The following FBXL4 variants were observed in gnomAD, a reference collection of about 807,000 sequenced individuals.
The protein encoded by FBXL4 is F-box/LRR-repeat protein 4.
Under a neutral mutation model 58.9 loss-of-function variants are expected in FBXL4, and 40 were observed. The observed-to-expected ratio is 0.68, with a 90% CI of 0.53 to 0.88. The LOEUF is 0.88. FBXL4 is among the 40% of genes least tolerant of loss of function. The probability of loss-of-function intolerance (pLI) is 0.00; values close to 1 mark genes in which losing one functional copy is unlikely to be tolerated. For missense variants in FBXL4, 676 were observed against 734.4 expected, an observed-to-expected ratio of 0.92 and a Z score of 0.92; for synonymous variants, 263 against 265.5, an observed-to-expected ratio of 0.99 and a Z score of 0.09.
At chr6:98,898,418 C>T in intron 7 of FBXL4, 2 of 985,184 alleles carry the variant, frequency 2.0e-6, no homozygotes, top group Non-Finnish European at 2.4e-6. Context: ...CATGCACAGG[C>T]TCATGGTGAA....
At chr6:98,883,802 T>C (rs769320175) in intron 7 of FBXL4, among the ~76,000 whole-genome samples, 1 of 151,532 alleles carries the variant, frequency 6.6e-6, no homozygotes, top group Non-Finnish European at 1.5e-5. Context: ...TTATACTTCA[T>C]AAGTCTTTAA....
At chr6:98,913,431 C>A (rs754411742) in intron 5 of FBXL4, among the ~76,000 whole-genome samples, 1 of 152,120 alleles carries the variant, frequency 6.6e-6, no homozygotes, top group African/African-American at 2.4e-5. Context: ...TGGAAGTAAA[C>A]CACTCCACAG....
At chr6:98,942,429 T>G (rs1773466543) in intron 1 of FBXL4, among the ~76,000 whole-genome samples, 1 of 152,040 alleles carries the variant, frequency 6.6e-6, no homozygotes, top group Admixed American at 6.6e-5. Context: ...GCCTGGAAGG[T>G]GATTGGATCA....
intron 4 of FBXL4, among the ~76,000 whole-genome samples, chr6:98,923,511 C>T (rs1020075784): frequency 6.6e-5 from 10 of 152,182 alleles, no homozygotes; most frequent in South Asian, 2.1e-4. Flanking sequence ...CATGATCTCA[C>T]GTTCAAATGT....
Position 98,872,193 on chromosome 6 carries a change from T to C in FBXL4, c.*2085A>G, listed in dbSNP as rs1770508888. The stretch of plus-strand genomic sequence containing the variant: ...TTGGAGTTTGCAAATGTAAAGGAAA[T>C]TTCCATTTTTCAAAATCAATTTAAC... On this transcript the variant is annotated 3_prime_UTR_variant, in exon 10 of 10. Transcript: ENST00000369244. 6.6e-6 allele frequency: 1 copy of C among 152,176 alleles called. No individual in the cohort carries two copies. The highest frequency in any genetic ancestry group is 2.4e-5 in the African/African-American group (1 of 41,450). 9.4% of individuals were successfully genotyped at this position (152,176 alleles called of 1,614,324 possible). A position where few individuals can be genotyped will look rare whatever the true frequency, so the allele number is the denominator to read the frequency against.
At chr6:98,911,075 G>A (rs1223836350) in intron 5 of FBXL4, among the ~76,000 whole-genome samples, 2 of 152,128 alleles carry the variant, frequency 1.3e-5, no homozygotes, top group Non-Finnish European at 2.9e-5. Context: ...CTCGCTGATT[G>A]CTAGGACAGC....
intron 8 of FBXL4, among the ~76,000 whole-genome samples, chr6:98,876,674 A>G (rs749114993): frequency 6.6e-6 from 1 of 152,204 alleles, no homozygotes; most frequent in Non-Finnish European, 1.5e-5. Flanking sequence ...GTGGGAAAAT[A>G]ATAAAACAGA....
At chr6:98,898,812 C>T (rs1771499209) in intron 7 of FBXL4, 2 of 985,152 alleles carry the variant, frequency 2.0e-6, no homozygotes, top group Admixed American at 6.2e-5. Context: ...AGCAAGTAGA[C>T]TAATATATAT....
rs1770428043 is a variant in FBXL4 at position 98,869,133 on chromosome 6, A to C, written c.*5145T>G. 1 of 152,244 alleles carries C rather than the reference A, an allele frequency of 6.6e-6. No homozygotes were observed. The highest frequency in any genetic ancestry group is 6.5e-5 in the Admixed American group (1 of 15,288). 9.4% of individuals were successfully genotyped at this position (152,244 alleles called of 1,614,324 possible). A position where few individuals can be genotyped will look rare whatever the true frequency, so the allele number is the denominator to read the frequency against. On this transcript the variant is annotated 3_prime_UTR_variant, in exon 10 of 10. Coordinates refer to ENST00000369244, the MANE Select transcript of FBXL4 (RefSeq NM_001278716.2). ...GTTGTCAAAAAAAGCAAATGAGGTG[A>C]TGATTGGCAGTTAATGGTCATTGAC... is the stretch of plus-strand genomic sequence containing the variant.
At chr6:98,902,555 G>T (rs1474607) in intron 6 of FBXL4, among the ~76,000 whole-genome samples, 2,940 of 152,060 alleles carry the variant, frequency 0.019, 157 homozygotes, top group East Asian at 0.18. Flanking sequence ...TAAAGTTCTC[G>T]AATCTAGAAC....
chr6:98,897,065 G>T (rs1429926398), intron 7 of FBXL4: 1 of 983,012 alleles, frequency 1.0e-6, no homozygotes, highest in East Asian at 1.1e-4. Context: ...ATATTTTTTT[G>T]GTTTTTACCC....
intron 1 of FBXL4, among the ~76,000 whole-genome samples, chr6:98,942,160 T>G (rs1773457111): frequency 6.6e-6 from 1 of 151,548 alleles, no homozygotes; most frequent in Admixed American, 6.6e-5. Flanking sequence ...ATACTTCCCA[T>G]AACTCTTCCT....
chr6:98,925,706 A>C (rs1299064188), intron 4 of FBXL4, among the ~76,000 whole-genome samples: 1 of 152,250 alleles, frequency 6.6e-6, no homozygotes, highest in Admixed American at 6.5e-5. Flanking sequence ...CTACTGTGTG[A>C]AACAAGGTAC....
chr6:98,942,924 A>G (rs1026400906), intron 1 of FBXL4, among the ~76,000 whole-genome samples: 2 of 152,168 alleles, frequency 1.3e-5, no homozygotes, highest in Non-Finnish European at 2.9e-5. Context: ...TGACTAGATT[A>G]AATTGTCCTA....
At chr6:98,874,556 C>G (rs974641431) in intron 9 of FBXL4, 115 bp from the exon 10 acceptor site, 2 of 1,117,302 alleles carry the variant, frequency 1.8e-6, no homozygotes, top group East Asian at 2.9e-5. Context: ...TTAAAATAAC[C>G]CTTTACAAAT....
chr6:98,901,611 C>A (rs1771614893), intron 6 of FBXL4, among the ~76,000 whole-genome samples: 1 of 152,062 alleles, frequency 6.6e-6, no homozygotes, highest in African/African-American at 2.4e-5. Context: ...TATTTTTACT[C>A]TGAGCAGATT....
intron 4 of FBXL4, among the ~76,000 whole-genome samples, chr6:98,921,165 T>C (rs1280777286): frequency 6.6e-6 from 1 of 152,214 alleles, no homozygotes; most frequent in Non-Finnish European, 1.5e-5. Flanking sequence ...CTGTTGATTG[T>C]ACTGGATGAC....
chr6:98,913,823 A>C (rs1450747158), intron 5 of FBXL4, among the ~76,000 whole-genome samples: 2 of 152,230 alleles, frequency 1.3e-5, no homozygotes. Flanking sequence ...ATCAGAGCAG[A>C]ACTGAAGGAA....
intron 2 of FBXL4, among the ~76,000 whole-genome samples, chr6:98,933,904 C>T (rs543527650): frequency 9.2e-5 from 14 of 152,080 alleles, no homozygotes; most frequent in African/African-American, 3.1e-4. Flanking sequence ...TATCTTGATA[C>T]AGAGATAAAG....
Sources: gnomAD v4.1 joint callset for allele counts (sites outside exome capture counted in the v4.1 genomes callset) on GRCh38, gnomAD v4.1.1 for gene constraint, MANE v1.5 for transcripts, NCBI Gene and HGNC (gene_info 2026-07-23, HGNC 2026-07-21) for gene names.